Variants in VPS13D observed in about 807,000 individuals in gnomAD.
VPS13D encodes the protein intermembrane lipid transfer protein VPS13D.
In VPS13D, 187 loss-of-function variants were observed where a neutral mutation model predicts 461.9. That is an observed-to-expected ratio of 0.40 (90% CI 0.36 to 0.46). The LOEUF is 0.46. Among genes scored for constraint, VPS13D ranks in the 20% least tolerant of loss-of-function variants. VPS13D has a pLI of 0.60. For missense variants in VPS13D, 4,711 were observed against 5,364.9 expected, an observed-to-expected ratio of 0.88 and a Z score of 3.81; for synonymous variants, 1,951 against 1,986.3, an observed-to-expected ratio of 0.98 and a Z score of 0.47.
chr1:12,436,628 A>G (rs143413966), intron 65 of VPS13D, among the ~76,000 whole-genome samples: 58 of 152,304 alleles, frequency 3.8e-4, no homozygotes, highest in South Asian at 2.5e-3. Flanking sequence ...CATAATCTGC[A>G]TATATACAAT....
At chr1:12,349,419 T>A in intron 46 of VPS13D, 45 bp downstream of exon 46, 1 of 1,577,816 alleles carries the variant, frequency 6.3e-7, no homozygotes, top group Non-Finnish European at 8.7e-7. Context: ...GCCTTTTTTT[T>A]TTCTTTTGGA....
intron 30 of VPS13D, among the ~76,000 whole-genome samples, chr1:12,316,708 A>T (rs1479632418): frequency 6.6e-6 from 1 of 152,196 alleles, no homozygotes; most frequent in African/African-American, 2.4e-5. Flanking sequence ...TTTCCCACAT[A>T]GGAATACCTT....
At chr1:12,272,929 A>C in intron 17 of VPS13D, 74 bp from the exon 18 acceptor site, 1 of 1,556,774 alleles carries the variant, frequency 6.4e-7, no homozygotes, top group Non-Finnish European at 8.7e-7. Context: ...TGCAGCTTCC[A>C]GAAATGCTTG....
At chr1:12,332,392 C>T (rs1203200703) in intron 37 of VPS13D, among the ~76,000 whole-genome samples, 1 of 152,132 alleles carries the variant, frequency 6.6e-6, no homozygotes, top group Non-Finnish European at 1.5e-5. Context: ...ACCACGGTGA[C>T]CTGCGTCAAT....
chr1:12,325,538 G>A (rs559760407), intron 35 of VPS13D, among the ~76,000 whole-genome samples: 1 of 152,124 alleles, frequency 6.6e-6, no homozygotes, highest in Admixed American at 6.5e-5. Flanking sequence ...GATTACAGGC[G>A]TGAGCCACTG....
intron 40 of VPS13D, 35 bp from the exon 41 acceptor site, chr1:12,341,745 G>A (rs1464795763): frequency 1.3e-6 from 2 of 1,595,110 alleles, no homozygotes; most frequent in East Asian, 2.2e-5. Context: ...TGCAGATAGG[G>A]GCGTCTGCTC....
intron 20 of VPS13D, 121 bp from the exon 21 acceptor site, chr1:12,282,582 CTT>C: frequency 1.1e-6 from 1 of 946,790 alleles, no homozygotes; most frequent in Non-Finnish European, 1.6e-6. Flanking sequence ...AAGAGATAGT[CTT>C]TGCTATCAGG....
Position 12,275,896 on chromosome 1 carries a change from A to AC in VPS13D, c.2314dup (p.Leu772ProfsTer6). On this transcript the variant is annotated frameshift_variant, in exon 19 of 70. Transcript: ENST00000620676. LOFTEE classifies it high-confidence loss of function. The stretch of plus-strand genomic sequence containing the variant: ...CCAGTTTAGTGATGATGAATATAAG[A>AC]CCCCCCTGGCCACACCTCCTAACAC... The AC allele has an allele frequency of 1.9e-6, 3 of 1,613,080 alleles. No homozygotes were observed. The highest frequency in any genetic ancestry group is 1.1e-5 in the South Asian group (1 of 90,954).
intron 63 of VPS13D, chr1:12,409,949 C>T (rs1644701853): frequency 4.4e-6 from 2 of 455,152 alleles, no homozygotes; most frequent in Admixed American, 4.7e-5. Context: ...GATTTGTAAG[C>T]AGTGTGGGGA....
At chr1:12,240,079 G>C (rs938060567) in intron 2 of VPS13D, among the ~76,000 whole-genome samples, 3 of 152,138 alleles carry the variant, frequency 2.0e-5, no homozygotes, top group Non-Finnish European at 4.4e-5. Context: ...TGTTTTGCCA[G>C]ATTCATTTGC....
intron 66 of VPS13D, 22 bp downstream of exon 66, chr1:12,456,152 G>C: frequency 6.3e-7 from 1 of 1,591,124 alleles, no homozygotes. Context: ...GTGACATCAG[G>C]CTCTGCTGCT....
At chr1:12,321,771 A>T (rs1643044285) in intron 32 of VPS13D, 38 bp from the exon 33 acceptor site, 1 of 1,573,960 alleles carries the variant, frequency 6.4e-7, no homozygotes, top group African/African-American at 1.4e-5. Context: ...TTCCTAAATC[A>T]GACATTAATT....
At position 12,368,515 on chromosome 1, in the gene VPS13D, G is replaced by A. The variant is rs1164794981; in HGVS notation, c.10496G>A (p.Arg3499Gln). The change falls in exon 53 of 70, where the codon CGA (arginine) becomes CAA (glutamine). Residue 3499 changes from arginine to glutamine, a missense_variant. By Grantham distance (43) the Arg-to-Gln change is conservative (BLOSUM62 1). Around this residue, in one of 3 missense-constraint regions of VPS13D, gnomAD observed 4,411 missense variants for 4,937.8 expected, o/e 0.89. Transcript: ENST00000620676. ...CFFLRVEITL[R>Q]GATYRISFSD... ...TTCCTACGAGTGGAAATTACTCTCC[G>A]AGGAGCTACGTATAGGATCTCATTT... 5 of 1,613,520 alleles carry A rather than the reference G, an allele frequency of 3.1e-6. No homozygotes were observed. The Admixed American group carries it at 6.7e-5, about 22-fold the overall frequency.
intron 40 of VPS13D, among the ~76,000 whole-genome samples, chr1:12,339,523 C>T (rs1315912199): frequency 6.6e-6 from 1 of 152,212 alleles, no homozygotes; most frequent in Non-Finnish European, 1.5e-5. Context: ...TAGACTCTCT[C>T]TCAGCCCATG....
At chr1:12,493,212 G>T (rs1422819311) in intron 67 of VPS13D, among the ~76,000 whole-genome samples, 1 of 151,336 alleles carries the variant, frequency 6.6e-6, no homozygotes, top group Non-Finnish European at 1.5e-5. Context: ...GGACTGGCCG[G>T]GTGCGGTGGC....
intron 35 of VPS13D, among the ~76,000 whole-genome samples, chr1:12,324,387 C>A (rs1307025441): frequency 6.6e-6 from 1 of 152,102 alleles, no homozygotes; most frequent in Non-Finnish European, 1.5e-5. Context: ...TGCCTGTAAT[C>A]CAGCTACTCA....
At position 12,324,101 on chromosome 1, in the gene VPS13D, G is replaced by A. The variant is rs539095540; in HGVS notation, c.7990+321G>A. 1.4e-4 allele frequency among the ~76,000 whole-genome samples: 21 copies of A among 152,222 alleles called. No individual in the cohort carries two copies. In the South Asian group the frequency reaches 3.9e-3, roughly 29 times the overall value. On this transcript the variant is annotated intron_variant, in intron 35 of 69. Transcript: ENST00000620676. ...TTTTTGTATTTTTAGTAGAGGTGGG[G>A]TTTCACCATGTTGGCCAGACTGGTC... is the stretch of plus-strand genomic sequence containing the variant.
In VPS13D at chr1:12,323,714, C is replaced by T. The variant is rs1222867550; in HGVS notation, c.7924C>T (p.Leu2642=). 6.2e-7 allele frequency: 1 copy of T among 1,613,598 alleles called. No homozygotes were observed. The highest frequency in any genetic ancestry group is 2.2e-5 in the East Asian group (1 of 44,842). The change falls in exon 35 of 70, where the codon CTG becomes TTG. Residue 2642 remains leucine, a synonymous_variant. Transcript: ENST00000620676. The part of the protein sequence containing the change: ...HTLDPVLELQ[L]ARLQELGFSM... ...TGCTATTTGTTTCCTAGAGTTACAGCTGGCTAGGCTGCAGGAGCTGGGATT... is the reference window on the plus strand; with the variant it reads ...TGCTATTTGTTTCCTAGAGTTACAGTTGGCTAGGCTGCAGGAGCTGGGATT...
Position 12,495,401 on chromosome 1 carries a change from A to G in VPS13D, c.12663-2099A>G, listed in dbSNP as rs1479351868. On this transcript the variant is annotated intron_variant, in intron 67 of 69. Coordinates refer to ENST00000620676, the MANE Select transcript of VPS13D (RefSeq NM_015378.4). The surrounding 1 kb of genome is among the most constrained non-coding windows in gnomAD (Gnocchi z 4.0). ...TCTTGATCTCCTGACCCTGTGATCC[A>G]TCCGCCTCGGCCTCCCAAAGTGCTG... Among the ~76,000 whole-genome samples, 7 of 152,050 alleles carry G rather than the reference A, an allele frequency of 4.6e-5. No homozygotes were observed. The highest frequency in any genetic ancestry group is 1.0e-4 in the Non-Finnish European group (7 of 68,006).
Sources: gnomAD v4.1 joint callset for allele counts (sites outside exome capture counted in the v4.1 genomes callset) on GRCh38, gnomAD v4.1.1 for gene constraint, gnomAD v4.1.1 regional missense constraint, Gnocchi (gnomAD v3.1) non-coding constraint, MANE v1.5 for transcripts, NCBI Gene and HGNC (gene_info 2026-07-23, HGNC 2026-07-21) for gene names.